DNAH11: variants seen among roughly 807,000 people sequenced by gnomAD.
DNAH11 encodes dynein axonemal heavy chain 11.
DNAH11 carries 442 observed loss-of-function variants against 526.0 expected under a neutral mutation model. The observed-to-expected ratio is 0.84, with a 90% CI of 0.78 to 0.91. The LOEUF is 0.91. DNAH11 is among the 40% of genes least tolerant of loss of function. The probability of loss-of-function intolerance (pLI) is 0.00; values close to 1 mark genes in which losing one functional copy is unlikely to be tolerated. For missense variants in DNAH11, 6,989 were observed against 5,448.7 expected (o/e 1.28, Z -8.90); for synonymous variants, 2,461 against 1,935.9 (o/e 1.27, Z -7.12).
intron 73 of DNAH11, among the ~76,000 whole-genome samples, chr7:21,869,917 G>A (rs1263480952): frequency 2.0e-5 from 3 of 152,162 alleles, no homozygotes; most frequent in African/African-American, 7.2e-5. Context: ...CCAGCATTAG[G>A]GGGCACCTGA....
intron 18 of DNAH11, among the ~76,000 whole-genome samples, chr7:21,603,477 C>T (rs1378082410): frequency 6.6e-6 from 1 of 152,136 alleles, no homozygotes; most frequent in East Asian, 1.9e-4. Context: ...TGAGCCATTG[C>T]CAAACTATTT....
At chr7:21,891,951 T>A (rs1784340173) in intron 76 of DNAH11, among the ~76,000 whole-genome samples, 1 of 152,184 alleles carries the variant, frequency 6.6e-6, no homozygotes, top group Non-Finnish European at 1.5e-5. Flanking sequence ...GATGCAGTAC[T>A]GTGGAAAGTA....
At chr7:21,636,193 A>C (rs2128459492) in intron 26 of DNAH11, 98 bp downstream of exon 26, 1 of 1,024,618 alleles carries the variant, frequency 9.8e-7, no homozygotes, top group Non-Finnish European at 1.4e-6. Flanking sequence ...TTTTTGCATG[A>C]GTAAGCAGGA....
At chr7:21,590,302 T>C (rs576928263) in intron 12 of DNAH11, among the ~76,000 whole-genome samples, 50 of 152,302 alleles carry the variant, frequency 3.3e-4, no homozygotes, top group Non-Finnish European at 6.3e-4. Flanking sequence ...ATATGAGACA[T>C]AAAATAAGCT....
chr7:21,612,794 A>G (rs975896538), intron 20 of DNAH11, among the ~76,000 whole-genome samples: 4 of 152,184 alleles, frequency 2.6e-5, no homozygotes, highest in African/African-American at 7.2e-5. Flanking sequence ...TAAACAAAAC[A>G]ATCAAATTAT....
rs545214670 is a variant in DNAH11, at chr7:21,621,817, C to A, written c.4500+1739C>A. 6.6e-5 allele frequency among the ~76,000 whole-genome samples: 10 copies of A among 152,196 alleles called. No individual in the cohort carries two copies. In the South Asian group the frequency reaches 8.3e-4, roughly 13 times the overall value. ...TAAATTAGGTATTGATGGGACGTAT[C>A]TCAAAATAATAAGAGCTATCTATGA... is the stretch of plus-strand genomic sequence containing the variant. On this transcript the variant is annotated intron_variant, in intron 25 of 81. Transcript: ENST00000409508.
intron 25 of DNAH11, among the ~76,000 whole-genome samples, chr7:21,634,753 A>AC (rs1464071462): frequency 3.9e-4 from 59 of 151,908 alleles, no homozygotes; most frequent in African/African-American, 1.4e-3. Context: ...TGCACACCAA[A>AC]CTCCCATAAC....
chr7:21,690,185 A>T (rs1365802247), intron 34 of DNAH11, among the ~76,000 whole-genome samples: 1 of 152,194 alleles, frequency 6.6e-6, no homozygotes, highest in Non-Finnish European at 1.5e-5. Context: ...AGATGAGGGA[A>T]TTGGAACATA....
At chr7:21,655,188 T>C (rs928584084) in intron 28 of DNAH11, among the ~76,000 whole-genome samples, 1 of 152,158 alleles carries the variant, frequency 6.6e-6, no homozygotes, top group African/African-American at 2.4e-5. Context: ...GAACTTGATC[T>C]TTATAGATGT....
At chr7:21,553,334 T>C (rs893455879) in intron 2 of DNAH11, among the ~76,000 whole-genome samples, 2 of 152,150 alleles carry the variant, frequency 1.3e-5, no homozygotes, top group Admixed American at 6.5e-5. Flanking sequence ...GTGACCAGTT[T>C]GTTTTGGTCC....
In DNAH11 at chr7:21,787,395, T is replaced by G. The variant is rs780017694; in HGVS notation, c.9742-6T>G. The G allele has an allele frequency of 3.1e-6, 5 of 1,598,854 alleles. No homozygotes were observed. The highest frequency in any genetic ancestry group is 4.3e-6 in the Non-Finnish European group (5 of 1,172,800). ...GTTCATTGCAATAAATCTTTTTGCT[T>G]TGCAGGTTGATGATTTTTTGCAAGC... On this transcript the variant is annotated splice_region_variant and splice_polypyrimidine_tract_variant and intron_variant, in intron 59 of 81. Coordinates refer to ENST00000409508, the MANE Select transcript of DNAH11 (RefSeq NM_001277115.2).
At chr7:21,876,135 C>T (rs535184934) in intron 74 of DNAH11, among the ~76,000 whole-genome samples, 166 of 152,162 alleles carry the variant, frequency 1.1e-3, no homozygotes, top group African/African-American at 3.8e-3. Flanking sequence ...CTGCCCGCCT[C>T]GGCATCCGAA....
intron 45 of DNAH11, among the ~76,000 whole-genome samples, chr7:21,733,330 G>C (rs896724647): frequency 1.6e-4 from 24 of 152,232 alleles, no homozygotes; most frequent in Admixed American, 1.6e-3. Context: ...AGAGTTTGCA[G>C]TGAGCTGAGA....
chr7:21,557,104 G>T (rs1372125834), intron 2 of DNAH11, among the ~76,000 whole-genome samples: 8 of 151,428 alleles, frequency 5.3e-5, no homozygotes. Context: ...TGGTTTTTCT[G>T]TTCCTGTGTT....
rs371210039 is a variant in DNAH11 at position 21,687,951 on chromosome 7, A to AT, written c.5924+429dup. Among the ~76,000 whole-genome samples, 667 of 152,210 alleles carry AT rather than the reference A, an allele frequency of 4.4e-3. 4 individuals carry two copies. Among genetic ancestry groups the AT allele is most frequent in the African/African-American group, 0.015 (606 of 41,530 alleles). On this transcript the variant is annotated intron_variant, in intron 34 of 81. Transcript: ENST00000409508. The stretch of plus-strand genomic sequence containing the variant: ...GTGGCATGTGCCTGTAGTCCCAGTT[A>AT]TTTTTGAGGCTGAGGCAAGAGGATT...
In DNAH11 at chr7:21,543,805, C is replaced by T. The variant is rs55916278; in HGVS notation, c.351+209C>T. 6.3e-5 allele frequency: 37 copies of T among 587,618 alleles called. No individual in the cohort carries two copies. In the South Asian group the frequency reaches 7.5e-4, roughly 12 times the overall value. The allele number at this position is 587,618 out of a possible 1,614,324, so 36.4% of individuals were successfully genotyped here. A position where few individuals can be genotyped will look rare whatever the true frequency, so the allele number is the denominator to read the frequency against. On this transcript the variant is annotated intron_variant, in intron 1 of 81. Transcript: ENST00000409508. ...GCTGCAGGTTAGTTTCCTAAGTCAG[C>T]AGTTTGTATCTGACCGAGAATCCCG...
intron 1 of DNAH11, chr7:21,543,910 T>C (rs1782701997): frequency 5.3e-6 from 2 of 377,900 alleles, no homozygotes; most frequent in Admixed American, 4.6e-5. Context: ...CCAGGTGGGC[T>C]TTCTGTGCCA....
chr7:21,751,400 T>C (rs898004705), intron 54 of DNAH11, among the ~76,000 whole-genome samples: 10 of 152,314 alleles, frequency 6.6e-5, no homozygotes, highest in African/African-American at 2.4e-5. Context: ...CTCTGTGCTA[T>C]AGTGTATCAC....
Position 21,794,195 on chromosome 7 carries a change from T to C in DNAH11, c.10026+4853T>C, listed in dbSNP as rs538967967. On this transcript the variant is annotated intron_variant, in intron 61 of 81. Transcript: ENST00000409508. ...CGGCTGAGTTTTCTTAAACTACTAT[T>C]TTGAATTATTGATCTGAGAGCTCCC... Among the ~76,000 whole-genome samples the C allele has an allele frequency of 2.0e-5, 3 of 152,328 alleles. No individual in the cohort carries two copies. In the East Asian group the frequency reaches 5.8e-4, roughly 29 times the overall value.
Sources: allele counts gnomAD v4.1 joint callset (sites outside exome capture counted in the v4.1 genomes callset), GRCh38; gene constraint gnomAD v4.1.1; transcripts MANE v1.5; gene names NCBI Gene and HGNC (gene_info 2026-07-23, HGNC 2026-07-21).